The following EDAR variants were observed in gnomAD, a reference collection of about 807,000 sequenced individuals.
EDAR encodes tumor necrosis factor receptor superfamily member EDAR.
A neutral mutation model predicts 51.3 loss-of-function variants in EDAR; 38 were observed. The observed-to-expected ratio is 0.74, with a 90% confidence interval of 0.57 to 0.97. The LOEUF (loss-of-function observed/expected upper bound fraction) is 0.97, where lower values mean the gene tolerates loss of function less well. EDAR is among the 50% of genes least tolerant of loss of function. The pLI, the probability that EDAR is intolerant of heterozygous loss-of-function variation, is 0.00. For synonymous variants in EDAR, 227 were observed against 242.1 expected (o/e 0.94, Z 0.58); for missense variants, 528 against 595.0 (o/e 0.89, Z 1.17).
At chr2:108,937,927 C>A (rs929272349) in intron 1 of EDAR, among the ~76,000 whole-genome samples, 1 of 152,196 alleles carries the variant, frequency 6.6e-6, no homozygotes, top group Non-Finnish European at 1.5e-5. Flanking sequence ...AGTTTAAAAT[C>A]CAAGTTCCCA....
rs761459363 is a variant in EDAR at position 108,896,963 on chromosome 2, T to C, written c.1291A>G (p.Ile431Val). Residue 431 changes from isoleucine to valine, a missense_variant, in exon 12 of 12, where the codon ATA (isoleucine) becomes GTA (valine). Coordinates refer to ENST00000258443, the MANE Select transcript of EDAR (RefSeq NM_022336.4). ...LDAVESLCAD[I>V]LEWAGVVPPA... ...GGCACAACCCCCGCCCACTCCAGTA[T>C]GTCTGCACACAAGGACTCCACAGCA... 3.7e-6 allele frequency: 6 copies of C among 1,613,758 alleles called. No homozygotes were observed. The highest frequency in any genetic ancestry group is 5.1e-6 in the Non-Finnish European group (6 of 1,179,882).
At chr2:108,977,208 C>G (rs1434327995) in intron 1 of EDAR, among the ~76,000 whole-genome samples, 3 of 152,168 alleles carry the variant, frequency 2.0e-5, no homozygotes, top group Admixed American at 1.3e-4. Flanking sequence ...CCCCATGGAC[C>G]ATCAGCACTG....
chr2:108,967,753 G>C (rs971110219), intron 1 of EDAR, among the ~76,000 whole-genome samples: 1 of 152,074 alleles, frequency 6.6e-6, no homozygotes, highest in African/African-American at 2.4e-5. Context: ...GGAAAAACTA[G>C]ACGGTGGATT....
chr2:108,919,480 T>C (rs1167958861), intron 5 of EDAR, among the ~76,000 whole-genome samples: 2 of 152,136 alleles, frequency 1.3e-5, no homozygotes, highest in East Asian at 3.9e-4. Context: ...TGCCTCAGCC[T>C]CCCGAGTAGC....
chr2:108,981,015 C>T (rs1022340588), intron 1 of EDAR, among the ~76,000 whole-genome samples: 6 of 152,168 alleles, frequency 3.9e-5, no homozygotes, highest in Admixed American at 1.3e-4. Context: ...TGAGCTGACC[C>T]GTTAAACTCA....
Position 108,895,309 on chromosome 2 carries a change from A to G in EDAR, c.*1598T>C, listed in dbSNP as rs10865025. 0.71 allele frequency: 109,004 copies of G among 152,470 alleles called. 42,055 individuals are homozygous for G. The highest frequency in any genetic ancestry group is 0.91 in the East Asian group (4,717 of 5,164). The allele number at this position is 152,470 out of a possible 1,614,324, so 9.4% of individuals were successfully genotyped here. A position where few individuals can be genotyped will look rare whatever the true frequency, so the allele number is the denominator to read the frequency against. Reference sequence around the variant, plus strand: ...CAGTCATGCAACTTGTAATTTTTACAACCTCGCTTTATAAGTCAGAGACTT... The same window carrying G: ...CAGTCATGCAACTTGTAATTTTTACGACCTCGCTTTATAAGTCAGAGACTT... On this transcript the variant is annotated 3_prime_UTR_variant, in exon 12 of 12. Transcript: ENST00000258443.
At chr2:108,957,948 A>G (rs772333600) in intron 1 of EDAR, among the ~76,000 whole-genome samples, 11 of 152,248 alleles carry the variant, frequency 7.2e-5, no homozygotes, top group Non-Finnish European at 1.2e-4. Flanking sequence ...TTAATTGCAC[A>G]GTTCCTGCAG....
chr2:108,946,924 T>C (rs1697725022), intron 1 of EDAR, among the ~76,000 whole-genome samples: 1 of 152,106 alleles, frequency 6.6e-6, no homozygotes, highest in Non-Finnish European at 1.5e-5. Flanking sequence ...AAACCAATCA[T>C]GCCTTCCCAA....
chr2:108,984,243 C>T (rs1331322272), intron 1 of EDAR, among the ~76,000 whole-genome samples: 1 of 152,092 alleles, frequency 6.6e-6, no homozygotes, highest in Non-Finnish European at 1.5e-5. Context: ...GCCAACTCTC[C>T]CAGGAAGAGG....
Position 108,910,934 on chromosome 2 carries a change from TG to T in EDAR, c.655+12del, listed in dbSNP as rs1323982562. 1.7e-5 allele frequency: 28 copies of T among 1,613,844 alleles called. No homozygotes were observed. Among genetic ancestry groups the T allele is most frequent in the Non-Finnish European group, 2.3e-5 (27 of 1,179,956 alleles). On this transcript the variant is annotated intron_variant, in intron 7 of 11. Transcript: ENST00000258443. ...GTCCAGGAAGCAGGGCACCGGCGCATGGGGGCCGTCACCTGGGGCAGAGGGC... is the reference window on the plus strand; with the variant it reads ...GTCCAGGAAGCAGGGCACCGGCGCATGGGGCCGTCACCTGGGGCAGAGGGC...
At chr2:108,974,419 T>A (rs1353469094) in intron 1 of EDAR, among the ~76,000 whole-genome samples, 1 of 149,532 alleles carries the variant, frequency 6.7e-6, no homozygotes, top group Non-Finnish European at 1.5e-5. Flanking sequence ...ATGAACATTA[T>A]CTTAATGATT....
At chr2:108,942,972 G>T (rs970509143) in intron 1 of EDAR, among the ~76,000 whole-genome samples, 8 of 152,202 alleles carry the variant, frequency 5.3e-5, no homozygotes, top group African/African-American at 1.9e-4. Flanking sequence ...CTTCGCTGAC[G>T]TGCAGGTAAC....
chr2:108,949,477 C>T (rs1442534616), intron 1 of EDAR, among the ~76,000 whole-genome samples: 1 of 152,178 alleles, frequency 6.6e-6, no homozygotes, highest in African/African-American at 2.4e-5. Flanking sequence ...ATAATATTGC[C>T]TACTGCGTCC....
intron 11 of EDAR, among the ~76,000 whole-genome samples, chr2:108,902,803 T>C (rs1022153938): frequency 6.6e-6 from 1 of 152,204 alleles, no homozygotes; most frequent in Non-Finnish European, 1.5e-5. Context: ...TTATACTTAA[T>C]GGTGAAAAAT....
chr2:108,897,742 A>G (rs535818339), intron 11 of EDAR, among the ~76,000 whole-genome samples: 1 of 152,310 alleles, frequency 6.6e-6, no homozygotes, highest in South Asian at 2.1e-4. Context: ...TTCACTGTAC[A>G]TTAGACTCAC....
Position 108,972,479 on chromosome 2 carries a change from C to T in EDAR, c.-19+16481G>A, listed in dbSNP as rs888029695. 1.7e-4 allele frequency among the ~76,000 whole-genome samples: 26 copies of T among 152,206 alleles called. 1 individual carries two copies. Among genetic ancestry groups the T allele is most frequent in the Non-Finnish European group, 2.9e-5 (2 of 68,040 alleles). ...AGACACTGCCCTTTCCAATCCTGCC[C>T]GCTGTGGGAGTGCCGGGGCAGGGCA... On this transcript the variant is annotated intron_variant, in intron 1 of 11. Transcript: ENST00000258443.
intron 1 of EDAR, among the ~76,000 whole-genome samples, chr2:108,977,262 G>A (rs1465646132): frequency 1.3e-5 from 2 of 152,100 alleles, no homozygotes; most frequent in Non-Finnish European, 2.9e-5. Context: ...CTTGGCTCCT[G>A]AGAAGCTCGC....
At chr2:108,909,333 T>A (rs1475059455) in intron 9 of EDAR, among the ~76,000 whole-genome samples, 1 of 151,684 alleles carries the variant, frequency 6.6e-6, no homozygotes, top group Non-Finnish European at 1.5e-5. Context: ...TATTTAAGAG[T>A]TCCATGCAGG....
At chr2:108,938,971 G>A (rs1306060037) in intron 1 of EDAR, among the ~76,000 whole-genome samples, 2 of 151,884 alleles carry the variant, frequency 1.3e-5, no homozygotes, top group Admixed American at 1.3e-4. Context: ...TTAGAGACGG[G>A]GTTTCACCAT....
Sources: gnomAD v4.1 joint callset for allele counts (sites outside exome capture counted in the v4.1 genomes callset) on GRCh38, gnomAD v4.1.1 for gene constraint, MANE v1.5 for transcripts, NCBI Gene and HGNC (gene_info 2026-07-23, HGNC 2026-07-21) for gene names.